TECRL: variants seen among roughly 807,000 people sequenced by gnomAD.
TECRL encodes trans-2,3-enoyl-CoA reductase-like.
Under a neutral mutation model 52.8 loss-of-function variants are expected in TECRL, and 63 were observed. The observed-to-expected ratio is 1.19, with a 90% CI of 0.97 to 1.47. The LOEUF is 1.47. Ranked by LOEUF, TECRL falls within the 40% of genes most tolerant of loss-of-function variation. The probability of loss-of-function intolerance (pLI) is 0.00; values close to 1 mark genes in which losing one functional copy is unlikely to be tolerated. For synonymous variants in TECRL, 164 were observed against 141.9 expected (o/e 1.16, Z -1.10); for missense variants, 482 against 429.6 (o/e 1.12, Z -1.08).
At chr4:64,325,838 G>C (rs896579988) in intron 3 of TECRL, among the ~76,000 whole-genome samples, 1 of 151,978 alleles carries the variant, frequency 6.6e-6, no homozygotes, top group Non-Finnish European at 1.5e-5. Flanking sequence ...TTAAAATGTG[G>C]TCCCATGAAT....
At chr4:64,289,307 A>G (rs1467941936) in intron 9 of TECRL, among the ~76,000 whole-genome samples, 3 of 152,204 alleles carry the variant, frequency 2.0e-5, no homozygotes, top group Non-Finnish European at 4.4e-5. Flanking sequence ...CATCATTACA[A>G]AAAGAAAAAC....
chr4:64,282,576 A>G (rs574814611), intron 9 of TECRL, among the ~76,000 whole-genome samples: 1 of 152,104 alleles, frequency 6.6e-6, no homozygotes, highest in African/African-American at 2.4e-5. Context: ...TAAAAAAAAG[A>G]TAATTGAGGA....
chr4:64,302,206 G>T (rs1232676239), intron 7 of TECRL, among the ~76,000 whole-genome samples: 3 of 151,368 alleles, frequency 2.0e-5, no homozygotes, highest in Non-Finnish European at 4.5e-5. Flanking sequence ...ATATGTGATG[G>T]AAATATGTAT....
At chr4:64,287,442 A>T (rs1027638947) in intron 9 of TECRL, among the ~76,000 whole-genome samples, 16 of 152,148 alleles carry the variant, frequency 1.1e-4, no homozygotes, top group Admixed American at 7.2e-4. Flanking sequence ...AAGGCAAGGA[A>T]ATGTTAAGAA....
chr4:64,348,263 A>G (rs10446802), intron 2 of TECRL, among the ~76,000 whole-genome samples: 99,551 of 152,008 alleles, frequency 0.65, 34,227 homozygotes, highest in Non-Finnish European at 0.76. Flanking sequence ...CAGAAGAGAG[A>G]GAAAAATAAA....
At chr4:64,337,805 A>G (rs1037169156) in intron 2 of TECRL, among the ~76,000 whole-genome samples, 12 of 152,168 alleles carry the variant, frequency 7.9e-5, no homozygotes, top group Non-Finnish European at 2.9e-5. Flanking sequence ...ATAGAAGAAC[A>G]TTCCATGCTC....
intron 1 of TECRL, among the ~76,000 whole-genome samples, chr4:64,387,633 T>G (rs1040084180): frequency 4.6e-5 from 7 of 152,122 alleles, no homozygotes; most frequent in Non-Finnish European, 7.4e-5. Context: ...ATTATCATTT[T>G]CCTGATGACA....
At chr4:64,346,107 G>C (rs1326167443) in intron 2 of TECRL, among the ~76,000 whole-genome samples, 5 of 151,854 alleles carry the variant, frequency 3.3e-5, no homozygotes, top group Non-Finnish European at 7.4e-5. Context: ...ATGAATTCTA[G>C]TAAATATAAT....
chr4:64,400,865 T>C (rs1724309818), intron 1 of TECRL, among the ~76,000 whole-genome samples: 1 of 152,290 alleles, frequency 6.6e-6, no homozygotes, highest in South Asian at 2.1e-4. Flanking sequence ...GTGAGCCAAT[T>C]AAACATCTTT....
Position 64,404,154 on chromosome 4 carries a change from T to A in TECRL, c.234+4964A>T, listed in dbSNP as rs117623309. ...ATTGTTATTTTTACTATTAGAAGAA[T>A]TAGAGAATTATTGAATGCTTTATTT... On this transcript the variant is annotated intron_variant, in intron 1 of 11. Coordinates refer to ENST00000381210, the MANE Select transcript of TECRL (RefSeq NM_001010874.5). 8.5e-4 allele frequency among the ~76,000 whole-genome samples: 128 copies of A among 150,890 alleles called. 1 individual carries two copies. In the East Asian group the frequency reaches 0.022, roughly 26 times the overall value.
At chr4:64,311,629 A>G (rs544401384) in intron 5 of TECRL, among the ~76,000 whole-genome samples, 1 of 152,300 alleles carries the variant, frequency 6.6e-6, no homozygotes, top group East Asian at 1.9e-4. Context: ...ATACCATGAG[A>G]GCATAGAAAC....
chr4:64,389,221 T>C (rs954678926), intron 1 of TECRL, among the ~76,000 whole-genome samples: 1 of 151,964 alleles, frequency 6.6e-6, no homozygotes, highest in Admixed American at 6.6e-5. Flanking sequence ...TTTTGAGTTT[T>C]TCACCATTAA....
At chr4:64,375,245 A>T in intron 1 of TECRL, 22 bp from the exon 2 acceptor site, 1 of 1,271,436 alleles carries the variant, frequency 7.9e-7, no homozygotes. Context: ...AAGAAAATAG[A>T]GTTATTTTTA....
chr4:64,295,038 ATTATAAACC>A (rs1339104347), intron 8 of TECRL, among the ~76,000 whole-genome samples: 1 of 151,784 alleles, frequency 6.6e-6, no homozygotes, highest in Non-Finnish European at 1.5e-5. Context: ...TGTTCATAAA[ATTATAAACC>A]TTTTTTCAAT....
intron 1 of TECRL, among the ~76,000 whole-genome samples, chr4:64,405,879 T>C (rs1724682673): frequency 6.6e-6 from 1 of 152,008 alleles, no homozygotes; most frequent in South Asian, 2.1e-4. Context: ...CGATTAACAG[T>C]GGAAAATGTT....
chr4:64,288,455 G>T (rs1054328139), intron 9 of TECRL, among the ~76,000 whole-genome samples: 3 of 152,094 alleles, frequency 2.0e-5, no homozygotes, highest in African/African-American at 7.2e-5. Flanking sequence ...AGGTGAAAAA[G>T]CTCGATAAGT....
intron 2 of TECRL, among the ~76,000 whole-genome samples, chr4:64,334,419 G>A (rs1718898743): frequency 6.6e-6 from 1 of 152,128 alleles, no homozygotes; most frequent in Admixed American, 6.6e-5. Context: ...TGAAACCAAG[G>A]ATGCCAGTGA....
intron 2 of TECRL, among the ~76,000 whole-genome samples, chr4:64,351,309 A>T (rs1248777332): frequency 4.0e-5 from 6 of 150,778 alleles, no homozygotes; most frequent in Non-Finnish European, 7.4e-5. Flanking sequence ...TTTTTGGCAG[A>T]GTCTCACTTT....
chr4:64,342,352 T>C (rs1719641121), intron 2 of TECRL, among the ~76,000 whole-genome samples: 1 of 152,116 alleles, frequency 6.6e-6, no homozygotes, highest in Non-Finnish European at 1.5e-5. Flanking sequence ...CACTGAAGAA[T>C]GTGTGATGTG....
Sources: gnomAD v4.1 joint callset for allele counts (sites outside exome capture counted in the v4.1 genomes callset) on GRCh38, gnomAD v4.1.1 for gene constraint, MANE v1.5 for transcripts, NCBI Gene and HGNC (gene_info 2026-07-23, HGNC 2026-07-21) for gene names.